Variants in COMMD10 observed in about 807,000 individuals in gnomAD.
The protein encoded by COMMD10 is COMM domain-containing protein 10.
Under a neutral mutation model 28.9 loss-of-function variants are expected in COMMD10, and 33 were observed. The ratio of observed to expected loss-of-function variants is 1.14; its 90% CI spans 0.87 to 1.53. The LOEUF (loss-of-function observed/expected upper bound fraction) is 1.53, where lower values mean the gene tolerates loss of function less well. Among genes scored for constraint, COMMD10 ranks in the 40% most tolerant of loss-of-function variants. COMMD10 has a pLI of 0.00. For missense variants in COMMD10, 310 were observed against 233.4 expected (o/e 1.33, Z -2.14); for synonymous variants, 110 against 81.7 (o/e 1.35, Z -1.87).
Position 116,292,522 on chromosome 5 carries a change from C to T in COMMD10, c.*33C>T. ...GAAGACTGTTTTTTTCATCACGCTC[C>T]TGCCACCTCATTATTTTGCATTGAA... On this transcript the variant is annotated 3_prime_UTR_variant, in exon 7 of 7. Coordinates refer to ENST00000274458, the MANE Select transcript of COMMD10 (RefSeq NM_016144.4). The T allele has an allele frequency of 1.9e-6, 3 of 1,558,112 alleles. No homozygotes were observed. Among genetic ancestry groups the T allele is most frequent in the Non-Finnish European group, 2.6e-6 (3 of 1,146,802 alleles).
Position 116,293,131 on chromosome 5 carries a change from T to C in COMMD10, c.*642T>C. ...TGTTTTTCTTTATACTGCAAATTAA[T>C]AATGATTCACTTTATAGTTTGGGAG... On this transcript the variant is annotated 3_prime_UTR_variant, in exon 7 of 7. Transcript: ENST00000274458. 1 of 395,364 alleles carries C rather than the reference T, an allele frequency of 2.5e-6. No homozygotes were observed. The highest frequency in any genetic ancestry group is 4.5e-6 in the Non-Finnish European group (1 of 223,852). The allele number at this position is 395,364 out of a possible 1,614,324, so 24.5% of individuals were successfully genotyped here.
intron 5 of COMMD10, among the ~76,000 whole-genome samples, chr5:116,155,352 T>G (rs576361947): frequency 6.6e-6 from 1 of 152,172 alleles, no homozygotes; most frequent in Non-Finnish European, 1.5e-5. Context: ...ATATATGCCA[T>G]CAGAATCTTC....
intron 1 of COMMD10, 113 bp from the exon 2 acceptor site, chr5:116,087,384 G>A: frequency 1.6e-6 from 1 of 632,920 alleles, no homozygotes. Context: ...ATTTCACTCA[G>A]ATTTACCATA....
chr5:116,276,904 A>G (rs765863069), intron 5 of COMMD10, among the ~76,000 whole-genome samples: 6 of 151,708 alleles, frequency 4.0e-5, no homozygotes, highest in Admixed American at 6.6e-5. Flanking sequence ...ATAATAACTA[A>G]AGGACATAGG....
intron 5 of COMMD10, among the ~76,000 whole-genome samples, chr5:116,260,875 G>A (rs72806937): frequency 0.06 from 9,105 of 151,750 alleles, 360 homozygotes; most frequent in East Asian, 0.14. Context: ...TTTATTTGTG[G>A]AGTAAGTATT....
chr5:116,177,126 C>T (rs77156632), intron 5 of COMMD10, among the ~76,000 whole-genome samples: 3 of 152,000 alleles, frequency 2.0e-5, no homozygotes, highest in African/African-American at 4.8e-5. Context: ...TTCTAGATCA[C>T]GTACTATTGT....
At chr5:116,259,727 C>A (rs1385409815) in intron 5 of COMMD10, among the ~76,000 whole-genome samples, 1 of 151,664 alleles carries the variant, frequency 6.6e-6, no homozygotes, top group Non-Finnish European at 1.5e-5. Flanking sequence ...GCAGGGTATT[C>A]CCGGTTGTAG....
rs189181003 is a variant in COMMD10, at chr5:116,141,399, G to A, written c.510+7221G>A. On this transcript the variant is annotated intron_variant, in intron 5 of 6. Transcript: ENST00000274458. ...GTTTTACTTTCTCAAGATTATTTTG[G>A]TTATTCCATGCGAATTTTAGAATTT... is the stretch of plus-strand genomic sequence containing the variant. Among the ~76,000 whole-genome samples, 824 of 151,532 alleles carry A rather than the reference G, an allele frequency of 5.4e-3. 9 individuals carry two copies. Among genetic ancestry groups the A allele is most frequent in the Non-Finnish European group, 5.7e-3 (387 of 67,732 alleles).
At chr5:116,094,033 A>G (rs1167276897) in intron 4 of COMMD10, among the ~76,000 whole-genome samples, 3 of 152,318 alleles carry the variant, frequency 2.0e-5, no homozygotes, top group African/African-American at 7.2e-5. Context: ...AAAATTGATT[A>G]AAGACTTAAA....
chr5:116,177,759 T>G (rs982457002), intron 5 of COMMD10, among the ~76,000 whole-genome samples: 27 of 152,282 alleles, frequency 1.8e-4, no homozygotes, highest in Non-Finnish European at 3.4e-4. Context: ...TATGCTACCT[T>G]GTTTGCCCAA....
At chr5:116,214,001 A>T (rs778801385) in intron 5 of COMMD10, among the ~76,000 whole-genome samples, 5 of 152,142 alleles carry the variant, frequency 3.3e-5, no homozygotes, top group Non-Finnish European at 5.9e-5. Context: ...TTTTATGAAA[A>T]TACAGAACCC....
intron 5 of COMMD10, among the ~76,000 whole-genome samples, chr5:116,233,812 G>T (rs1749589328): frequency 6.6e-6 from 1 of 152,094 alleles, no homozygotes; most frequent in Non-Finnish European, 1.5e-5. Flanking sequence ...AGAGGTGAGA[G>T]GGGTGTGGTA....
At chr5:116,126,669 TG>T (rs1216141727) in intron 4 of COMMD10, among the ~76,000 whole-genome samples, 1 of 151,928 alleles carries the variant, frequency 6.6e-6, no homozygotes, top group African/African-American at 2.4e-5. Flanking sequence ...AAACAAGAAA[TG>T]GGGAAAGGAT....
intron 5 of COMMD10, among the ~76,000 whole-genome samples, chr5:116,206,525 G>A (rs1466682107): frequency 6.6e-6 from 1 of 152,056 alleles, no homozygotes; most frequent in African/African-American, 2.4e-5. Context: ...GGTGGTGCAC[G>A]CCTGTAATCC....
intron 5 of COMMD10, among the ~76,000 whole-genome samples, chr5:116,221,403 A>G (rs74461249): frequency 2.0e-5 from 3 of 152,242 alleles, no homozygotes; most frequent in East Asian, 3.9e-4. Flanking sequence ...AAACCCTGCT[A>G]TCTCAGTATA....
intron 5 of COMMD10, among the ~76,000 whole-genome samples, chr5:116,230,542 G>A (rs1165051151): frequency 2.0e-5 from 3 of 151,936 alleles, no homozygotes; most frequent in African/African-American, 4.8e-5. Flanking sequence ...TCTACATCAC[G>A]ATGTTAGTGA....
At chr5:116,236,689 A>G (rs1749674491) in intron 5 of COMMD10, among the ~76,000 whole-genome samples, 1 of 151,978 alleles carries the variant, frequency 6.6e-6, no homozygotes, top group Non-Finnish European at 1.5e-5. Flanking sequence ...TGGGGGTGGG[A>G]GATGAGTAGA....
intron 5 of COMMD10, among the ~76,000 whole-genome samples, chr5:116,195,392 C>T (rs570170988): frequency 9.9e-5 from 15 of 151,986 alleles, no homozygotes; most frequent in Non-Finnish European, 2.2e-4. Flanking sequence ...ACAATATGAT[C>T]GTTTACCTTG....
intron 5 of COMMD10, among the ~76,000 whole-genome samples, chr5:116,268,335 A>G (rs531758601): frequency 1.3e-5 from 2 of 151,882 alleles, no homozygotes; most frequent in Non-Finnish European, 2.9e-5. Context: ...ATGCAGCCAA[A>G]AAACACATGA....
Sources: gnomAD v4.1 joint callset for allele counts (sites outside exome capture counted in the v4.1 genomes callset) on GRCh38, gnomAD v4.1.1 for gene constraint, MANE v1.5 for transcripts, NCBI Gene and HGNC (gene_info 2026-07-23, HGNC 2026-07-21) for gene names.